SUGCT: variants seen among roughly 807,000 people sequenced by gnomAD.
SUGCT encodes succinyl-CoA:glutarate-CoA transferase.
A neutral mutation model predicts 55.0 loss-of-function variants in SUGCT; 41 were observed. That is an observed-to-expected ratio of 0.74 (90% CI 0.58 to 0.97). SUGCT has a LOEUF of 0.97. SUGCT is among the 50% of genes least tolerant of loss of function. SUGCT has a pLI of 0.00. For missense variants in SUGCT, 568 were observed against 547.8 expected (o/e 1.04, Z -0.37); for synonymous variants, 187 against 200.4 (o/e 0.93, Z 0.56).
At chr7:41,030,827 G>A in the SUGCT span, among the ~76,000 whole-genome samples, 1 of 152,170 alleles carries the variant, frequency 6.6e-6, no homozygotes, top group African/African-American at 2.4e-5. Context: ...GGTGAGTGAG[G>A]AGAAAGGGAG....
Position 40,799,249 on chromosome 7 carries a change from TCAAACCAGA to T in SUGCT, c.1153+49754_1153+49762del, listed in dbSNP as rs1214231676. 6.5e-3 allele frequency among the ~76,000 whole-genome samples: 987 copies of T among 152,278 alleles called. 6 individuals carry two copies. The highest frequency in any genetic ancestry group is 0.023 in the African/African-American group (956 of 41,570). On this transcript the variant is annotated intron_variant, in intron 13 of 13. Coordinates refer to ENST00000335693, the MANE Select transcript of SUGCT (RefSeq NM_001193313.2). ...TTGGTGCTCTTATTTACCCAAACACTCAAACCAGACCTTTCTTTCCTTTTCTTTTTCTTT... is the reference window on the plus strand; with the variant it reads ...TTGGTGCTCTTATTTACCCAAACACTCCTTTCTTTCCTTTTCTTTTTCTTT...
intron 12 of SUGCT, among the ~76,000 whole-genome samples, chr7:40,685,210 A>T (rs1465227122): frequency 6.6e-6 from 1 of 152,030 alleles, no homozygotes; most frequent in Non-Finnish European, 1.5e-5. Context: ...TACACTGCTT[A>T]ATTTTCTGTG....
chr7:40,287,477 A>C (rs552669205), intron 8 of SUGCT, among the ~76,000 whole-genome samples: 53 of 151,032 alleles, frequency 3.5e-4, no homozygotes, highest in Non-Finnish European at 7.4e-4. Context: ...GTATGATGTA[A>C]CTGTGTTTTT....
chr7:40,486,975 A>T (rs764818139), intron 11 of SUGCT, among the ~76,000 whole-genome samples: 3 of 150,386 alleles, frequency 2.0e-5, no homozygotes, highest in Non-Finnish European at 4.4e-5. Context: ...GTTCAGGAGC[A>T]TGTTGTTTTA....
At chr7:40,500,329 A>G (rs1009719724) in intron 12 of SUGCT, among the ~76,000 whole-genome samples, 2 of 152,146 alleles carry the variant, frequency 1.3e-5, no homozygotes, top group East Asian at 1.9e-4. Flanking sequence ...ATCACCCTGA[A>G]GCATCACTTC....
In SUGCT at chr7:40,694,534, A is replaced by T. The variant is rs143570104; in HGVS notation, c.1090-54900A>T. Among the ~76,000 whole-genome samples the T allele has an allele frequency of 2.2e-3, 341 of 152,314 alleles. 1 individual carries two copies. Among genetic ancestry groups the T allele is most frequent in the Non-Finnish European group, 4.0e-3 (272 of 68,028 alleles). ...GCAGAAATTTTTATTAACATTCATA[A>T]ATAACATTTTCCACATACTATCATT... On this transcript the variant is annotated intron_variant, in intron 12 of 13. Transcript: ENST00000335693.
chr7:40,419,047 G>A (rs1583637457), intron 9 of SUGCT, among the ~76,000 whole-genome samples: 1 of 152,146 alleles, frequency 6.6e-6, no homozygotes, highest in African/African-American at 2.4e-5. Flanking sequence ...CTTTAAAGAA[G>A]AAATTCGCTA....
At chr7:40,755,028 G>A (rs1223809325) in intron 13 of SUGCT, among the ~76,000 whole-genome samples, 1 of 152,184 alleles carries the variant, frequency 6.6e-6, no homozygotes, top group Non-Finnish European at 1.5e-5. Flanking sequence ...CCCTGGAGGA[G>A]CAGAGAAAGC....
chr7:40,684,282 T>C, intron 12 of SUGCT: 2 of 1,187,074 alleles, frequency 1.7e-6, no homozygotes, highest in East Asian at 2.9e-5. Context: ...GGACATAGCA[T>C]CTTTGGGGAG....
the SUGCT span, among the ~76,000 whole-genome samples, chr7:40,978,123 G>T: frequency 6.6e-6 from 1 of 152,220 alleles, no homozygotes; most frequent in African/African-American, 2.4e-5. Flanking sequence ...GCATCCCCCT[G>T]TGGACTGAGG....
chr7:40,904,275 C>T, the SUGCT span, among the ~76,000 whole-genome samples: 1 of 152,162 alleles, frequency 6.6e-6, no homozygotes, highest in East Asian at 1.9e-4. Flanking sequence ...TAGGATTCAT[C>T]TAAATAGGGC....
At chr7:40,984,098 A>G in the SUGCT span, among the ~76,000 whole-genome samples, 1 of 151,858 alleles carries the variant, frequency 6.6e-6, no homozygotes, top group Non-Finnish European at 1.5e-5. Context: ...CCAGGTAACC[A>G]CTCTCTCACT....
At chr7:40,663,630 C>T (rs1186779611) in intron 12 of SUGCT, among the ~76,000 whole-genome samples, 1 of 151,924 alleles carries the variant, frequency 6.6e-6, no homozygotes, top group Non-Finnish European at 1.5e-5. Flanking sequence ...GTAGGCATGA[C>T]CAGTAACCTG....
chr7:40,283,529 A>G (rs539479246), intron 8 of SUGCT, among the ~76,000 whole-genome samples: 9 of 152,088 alleles, frequency 5.9e-5, no homozygotes, highest in African/African-American at 2.2e-4. Context: ...GCGCCTGGCC[A>G]GACGTTTCTT....
At chr7:40,355,180 T>G (rs1009299961) in intron 9 of SUGCT, among the ~76,000 whole-genome samples, 4 of 152,202 alleles carry the variant, frequency 2.6e-5, no homozygotes, top group African/African-American at 9.7e-5. Flanking sequence ...CCTGGATTCT[T>G]GAGCCATGGG....
chr7:40,341,564 C>T (rs967760076), intron 9 of SUGCT, among the ~76,000 whole-genome samples: 6 of 152,112 alleles, frequency 3.9e-5, no homozygotes, highest in Non-Finnish European at 7.3e-5. Flanking sequence ...TCTAAAGGTA[C>T]AGGATTTAAG....
At chr7:40,178,397 A>C (rs1203079545) in intron 1 of SUGCT, among the ~76,000 whole-genome samples, 1 of 152,152 alleles carries the variant, frequency 6.6e-6, no homozygotes, top group Admixed American at 6.5e-5. Context: ...ATTACCTTTG[A>C]AAGTAATTTT....
intron 13 of SUGCT, among the ~76,000 whole-genome samples, chr7:40,800,115 C>T (rs1433434008): frequency 6.6e-6 from 1 of 151,942 alleles, no homozygotes; most frequent in Non-Finnish European, 1.5e-5. Context: ...TCTTGCCTAC[C>T]CAGCCAAAAA....
intron 1 of SUGCT, among the ~76,000 whole-genome samples, chr7:40,178,004 G>C (rs1444872535): frequency 6.6e-6 from 1 of 152,158 alleles, no homozygotes; most frequent in Non-Finnish European, 1.5e-5. Flanking sequence ...GTCCGCCTTG[G>C]CCTCACAAAG....
Sources: gnomAD v4.1 joint callset for allele counts (sites outside exome capture counted in the v4.1 genomes callset) on GRCh38, gnomAD v4.1.1 for gene constraint, MANE v1.5 for transcripts, NCBI Gene and HGNC (gene_info 2026-07-23, HGNC 2026-07-21) for gene names.